QRSL1: variants seen among roughly 807,000 people sequenced by gnomAD.
QRSL1 encodes glutamyl-tRNA(Gln) amidotransferase subunit A, mitochondrial.
In QRSL1, 54 loss-of-function variants were observed where a neutral mutation model predicts 61.6. That is an observed-to-expected ratio of 0.88 (90% confidence interval 0.70 to 1.10). QRSL1 has a LOEUF of 1.10. Among genes scored for constraint, QRSL1 ranks in the 50% least tolerant of loss-of-function variants. QRSL1 has a pLI of 0.00. For missense variants in QRSL1, 505 were observed against 622.6 expected, an observed-to-expected ratio of 0.81 and a Z score of 2.01; for synonymous variants, 228 against 225.7, an observed-to-expected ratio of 1.01 and a Z score of -0.09.
At chr6:106,663,311 AG>A (rs1308015651) in intron 10 of QRSL1, 126 bp downstream of exon 10, 1 of 800,850 alleles carries the variant, frequency 1.2e-6, no homozygotes, top group East Asian at 2.6e-5. Flanking sequence ...AATGCTTAGG[AG>A]TGAGTGTGTG....
At chr6:106,656,635 A>G (rs1777276235) in intron 9 of QRSL1, among the ~76,000 whole-genome samples, 1 of 152,232 alleles carries the variant, frequency 6.6e-6, no homozygotes, top group Admixed American at 6.5e-5. Context: ...TCATCTGCGT[A>G]TCCTCTCAGG....
chr6:106,631,206 G>A lies in QRSL1; in HGVS notation c.24+1501G>A, dbSNP rs571292247. 3.4e-3 allele frequency among the ~76,000 whole-genome samples: 512 copies of A among 152,130 alleles called. 5 individuals carry two copies. The highest frequency in any genetic ancestry group is 0.012 in the African/African-American group (480 of 41,516). On this transcript the variant is annotated intron_variant, in intron 1 of 10. Transcript: ENST00000369046. ...ACGCCACTGCACTCCAGCCTGGGCG[G>A]CAGAGCAAGACTCCGTCTCAAAAAA...
intron 9 of QRSL1, among the ~76,000 whole-genome samples, chr6:106,661,579 A>G (rs1777355815): frequency 6.6e-6 from 1 of 152,012 alleles, no homozygotes; most frequent in South Asian, 2.1e-4. Flanking sequence ...TTTAGAGTAA[A>G]ACATATTTCA....
chr6:106,642,862 C>G, intron 3 of QRSL1, 132 bp from the exon 4 acceptor site: 1 of 786,296 alleles, frequency 1.3e-6, no homozygotes, highest in Non-Finnish European at 2.3e-6. Flanking sequence ...GAGAAGCGCA[C>G]TGTGTGAGAA....
intron 8 of QRSL1, 25 bp from the exon 9 acceptor site, chr6:106,655,590 A>T (rs201064306): frequency 1.4e-6 from 2 of 1,475,580 alleles, no homozygotes; most frequent in Non-Finnish European, 1.9e-6. Context: ...CTTTCAAGTA[A>T]TGTTTACCCT....
Position 106,654,861 on chromosome 6 carries a change from C to A in QRSL1, c.981C>A (p.Tyr327Ter), listed in dbSNP as rs1777243125. ...LPHTSYSIVC[Y>*]HVLCTSEVAS... The stretch of plus-strand genomic sequence containing the variant: ...ACACCAGTTATTCAATTGTCTGCTA[C>A]CATGTATTGTGCACATCAGAAGTGG... Residue 327 changes from tyrosine to a stop codon, truncating the protein, a stop_gained, in exon 8 of 11, where the codon TAC becomes TAA. Transcript: ENST00000369046. LOFTEE classifies it high-confidence loss of function. 6.2e-7 allele frequency: 1 copy of A among 1,613,904 alleles called. No homozygotes were observed. Among genetic ancestry groups the A allele is most frequent in the Non-Finnish European group, 8.5e-7 (1 of 1,179,842 alleles).
intron 4 of QRSL1, among the ~76,000 whole-genome samples, chr6:106,643,916 C>T (rs1243596541): frequency 2.0e-5 from 3 of 150,724 alleles, no homozygotes; most frequent in South Asian, 2.1e-4. Context: ...TTGTCATCCA[C>T]GCTGGAATGC....
intron 4 of QRSL1, among the ~76,000 whole-genome samples, chr6:106,645,124 TA>T (rs1269388339): frequency 3.3e-5 from 5 of 152,218 alleles, no homozygotes; most frequent in African/African-American, 1.2e-4. Flanking sequence ...ATTATAGCTT[TA>T]TAGTAAGCCT....
chr6:106,646,811 A>G (rs1777112123), intron 4 of QRSL1, among the ~76,000 whole-genome samples: 1 of 151,700 alleles, frequency 6.6e-6, no homozygotes, highest in Non-Finnish European at 1.5e-5. Flanking sequence ...GGTGGATCAC[A>G]AGGTCAGGAG....
chr6:106,636,306 C>G (rs1195867117), intron 1 of QRSL1, among the ~76,000 whole-genome samples: 1 of 151,670 alleles, frequency 6.6e-6, no homozygotes, highest in East Asian at 1.9e-4. Context: ...CGGTTGAATC[C>G]CAGCTCTGCT....
Position 106,668,166 on chromosome 6 carries a change from A to G in QRSL1, c.*2164A>G, listed in dbSNP as rs1350530068. The G allele has an allele frequency of 6.6e-6, 1 of 152,158 alleles. No individual in the cohort carries two copies. The highest frequency in any genetic ancestry group is 2.4e-5 in the African/African-American group (1 of 41,440). 9.4% of individuals were successfully genotyped at this position (152,158 alleles called of 1,614,324 possible). On this transcript the variant is annotated 3_prime_UTR_variant, in exon 11 of 11. Transcript: ENST00000369046. ...TCAATATTATTTCAAATAATATTAA[A>G]TCTCTTGTTCCTGTATCTCTACATG...
Position 106,640,974 on chromosome 6 carries a change from C to T in QRSL1, c.283+53C>T, listed in dbSNP as rs374489261. 131 of 1,309,080 alleles carry T rather than the reference C, an allele frequency of 1.0e-4. 2 individuals carry two copies. The East Asian group carries it at 1.6e-3, about 16-fold the overall frequency. 81.1% of individuals were successfully genotyped at this position (1,309,080 alleles called of 1,614,324 possible). ...TAATTTTATAAAAATAGGTATTTTT[C>T]GCTTTAAGGATAATAAAGTACCAAG... On this transcript the variant is annotated intron_variant, in intron 3 of 10. Transcript: ENST00000369046.
chr6:106,664,692 C>T (rs536471538), intron 10 of QRSL1, among the ~76,000 whole-genome samples: 1 of 152,310 alleles, frequency 6.6e-6, no homozygotes, highest in African/African-American at 2.4e-5. Context: ...AGAAGTACTA[C>T]ATAATCTTCA....
intron 5 of QRSL1, among the ~76,000 whole-genome samples, chr6:106,651,108 T>A (rs543501778): frequency 3.7e-4 from 57 of 152,306 alleles, no homozygotes; most frequent in Non-Finnish European, 6.9e-4. Flanking sequence ...CACCTTCTAC[T>A]TTGTGTCTTA....
At chr6:106,640,620 A>G (rs991324658) in intron 2 of QRSL1, 112 bp downstream of exon 2, 3 of 1,080,652 alleles carry the variant, frequency 2.8e-6, no homozygotes, top group Non-Finnish European at 3.9e-6. Flanking sequence ...GCCTTATTTA[A>G]AGAACTTGCC....
At chr6:106,640,659 C>A in intron 2 of QRSL1, 151 bp downstream of exon 2, 1 of 946,578 alleles carries the variant, frequency 1.1e-6, no homozygotes, top group Non-Finnish European at 1.6e-6. Flanking sequence ...AGGGTAATGG[C>A]TATGTGATGC....
At chr6:106,651,114 T>C (rs11752776) in intron 5 of QRSL1, among the ~76,000 whole-genome samples, 52,055 of 152,046 alleles carry the variant, frequency 0.34, 9,456 homozygotes, top group Non-Finnish European at 0.41. Flanking sequence ...CTACTTTGTG[T>C]CTTATGAATT....
intron 1 of QRSL1, among the ~76,000 whole-genome samples, chr6:106,638,980 T>C (rs531594655): frequency 6.6e-6 from 1 of 152,256 alleles, no homozygotes; most frequent in East Asian, 1.9e-4. Context: ...TGGTGAAGAC[T>C]GTATATTATG....
At chr6:106,654,344 C>T (rs974852855) in intron 7 of QRSL1, among the ~76,000 whole-genome samples, 13 of 149,510 alleles carry the variant, frequency 8.7e-5, no homozygotes, top group Admixed American at 1.3e-4. Flanking sequence ...AGTGAGACTC[C>T]GTCTCAAAAA....
Sources: gnomAD v4.1 joint callset for allele counts (sites outside exome capture counted in the v4.1 genomes callset) on GRCh38, gnomAD v4.1.1 for gene constraint, MANE v1.5 for transcripts, NCBI Gene and HGNC (gene_info 2026-07-23, HGNC 2026-07-21) for gene names.